AMMECR1: variants seen among roughly 807,000 people sequenced by gnomAD.
The protein encoded by AMMECR1 is AMMECR nuclear protein 1.
In AMMECR1, 3 loss-of-function variants were observed where a neutral mutation model predicts 22.5. That is an observed-to-expected ratio of 0.13 (90% confidence interval 0.06 to 0.35). AMMECR1 has a LOEUF of 0.35. Ranked by LOEUF, AMMECR1 falls within the 10% of genes least tolerant of loss-of-function variation. AMMECR1 has a pLI of 1.00. For synonymous variants in AMMECR1, 130 were observed against 116.7 expected, an observed-to-expected ratio of 1.11 and a Z score of -0.74; for missense variants, 235 against 278.7, an observed-to-expected ratio of 0.84 and a Z score of 1.12.
intron 2 of AMMECR1, among the ~76,000 whole-genome samples, chrX:110,327,100 G>A (rs952162385): frequency 5.4e-5 from 6 of 112,002 alleles, no homozygotes; most frequent in Non-Finnish European, 7.5e-5. Flanking sequence ...TAAGGTGTCC[G>A]CTAAATATGC....
chrX:110,423,839 A>G (rs779057598), intron 2 of AMMECR1, among the ~76,000 whole-genome samples: 1 of 112,340 alleles, frequency 8.9e-6, no homozygotes, highest in Admixed American at 9.4e-5. Context: ...TAGGTGTTGC[A>G]TGGTAAGAAA....
At chrX:110,299,977 G>A (rs1045113772) in intron 1 of AMMECR1, among the ~76,000 whole-genome samples, 3 of 112,021 alleles carry the variant, frequency 2.7e-5, no homozygotes, top group Non-Finnish European at 5.7e-5. Context: ...GAATAATGCT[G>A]CAATGAACAT....
chrX:110,427,988 G>A (rs2068766779), intron 1 of AMMECR1, among the ~76,000 whole-genome samples: 1 of 111,847 alleles, frequency 8.9e-6, no homozygotes, highest in South Asian at 3.8e-4. Flanking sequence ...TCCAGTCTGG[G>A]TTAGATGCCC....
intron 2 of AMMECR1, among the ~76,000 whole-genome samples, chrX:110,398,453 A>G (rs1256479393): frequency 8.9e-6 from 1 of 112,539 alleles, no homozygotes; most frequent in African/African-American, 3.2e-5. Context: ...ATACTTTTAG[A>G]TTTACAGGAC....
At chrX:110,362,657 T>C (rs901916494) in intron 2 of AMMECR1, among the ~76,000 whole-genome samples, 1 of 112,052 alleles carries the variant, frequency 8.9e-6, no homozygotes, top group African/African-American at 3.2e-5. Context: ...AATCACATGG[T>C]AGGAAATATG....
At chrX:110,422,878 G>C (rs2068727668) in intron 2 of AMMECR1, among the ~76,000 whole-genome samples, 1 of 112,393 alleles carries the variant, frequency 8.9e-6, no homozygotes, top group Non-Finnish European at 1.9e-5. Context: ...AAAAGAGATA[G>C]AGAATGCAGG....
chrX:110,367,462 C>T, intron 2 of AMMECR1, among the ~76,000 whole-genome samples: 1 of 111,253 alleles, frequency 9.0e-6, no homozygotes, highest in Non-Finnish European at 1.9e-5. Context: ...TTTCGCCCAA[C>T]AGCGGCATTT....
chrX:110,384,074 C>T (rs990123984), intron 2 of AMMECR1, among the ~76,000 whole-genome samples: 1 of 111,816 alleles, frequency 8.9e-6, no homozygotes. Flanking sequence ...TTATTGTTAT[C>T]GTATATATAA....
intron 4 of AMMECR1, among the ~76,000 whole-genome samples, chrX:110,202,132 T>C (rs2067400156): frequency 8.9e-6 from 1 of 112,250 alleles, no homozygotes; most frequent in Admixed American, 9.4e-5. Flanking sequence ...TATGCCACAA[T>C]GGAATATGGG....
intron 2 of AMMECR1, among the ~76,000 whole-genome samples, chrX:110,374,803 G>A (rs1465743957): frequency 9.0e-6 from 1 of 110,604 alleles, no homozygotes; most frequent in Non-Finnish European, 1.9e-5. Flanking sequence ...TGAGCTTGGG[G>A]TGGATATGTG....
chrX:110,240,288 T>C (rs1247712428), intron 2 of AMMECR1, among the ~76,000 whole-genome samples: 3 of 107,318 alleles, frequency 2.8e-5, no homozygotes, highest in Non-Finnish European at 5.8e-5. Flanking sequence ...TCAAGAATCA[T>C]TGGTGTGCTG....
chrX:110,368,578 A>G (rs968556037), intron 2 of AMMECR1, among the ~76,000 whole-genome samples: 3 of 112,118 alleles, frequency 2.7e-5, no homozygotes, highest in Non-Finnish European at 1.9e-5. Context: ...TACTTTCTTT[A>G]TCATCTTATT....
chrX:110,404,551 C>T (rs969510540), intron 2 of AMMECR1, among the ~76,000 whole-genome samples: 1 of 112,052 alleles, frequency 8.9e-6, no homozygotes, highest in Admixed American at 9.4e-5. Context: ...ACTGTAATTA[C>T]GAAAGCTGAA....
intron 3 of AMMECR1, among the ~76,000 whole-genome samples, chrX:110,212,969 A>C (rs1183578777): frequency 8.9e-6 from 1 of 111,987 alleles, no homozygotes. Flanking sequence ...AGTTATTCTC[A>C]GAATGGTGTA....
chrX:110,312,480 C>T (rs1303292543), intron 1 of AMMECR1, among the ~76,000 whole-genome samples: 1 of 112,117 alleles, frequency 8.9e-6, no homozygotes, highest in Non-Finnish European at 1.9e-5. Flanking sequence ...CTAACTGAAA[C>T]CTGAGTATAG....
At chrX:110,203,784 A>AT (rs1406863237) in intron 3 of AMMECR1, among the ~76,000 whole-genome samples, 1 of 111,218 alleles carries the variant, frequency 9.0e-6, no homozygotes, top group Non-Finnish European at 1.9e-5. Context: ...AAATTTTCCA[A>AT]TTTTTTCAGG....
intron 2 of AMMECR1, among the ~76,000 whole-genome samples, chrX:110,417,797 C>T (rs2068688462): frequency 8.9e-6 from 1 of 112,516 alleles, no homozygotes; most frequent in African/African-American, 3.2e-5. Context: ...TATTATTTTA[C>T]TGGCAACTTC....
intron 3 of AMMECR1, among the ~76,000 whole-genome samples, chrX:110,204,377 T>C (rs1376990539): frequency 9.0e-6 from 1 of 111,480 alleles, no homozygotes; most frequent in Non-Finnish European, 1.9e-5. Flanking sequence ...AAAATTGTGA[T>C]AGGAAGAATG....
chrX:110,384,131 T>A (rs2068438794), intron 2 of AMMECR1, among the ~76,000 whole-genome samples: 2 of 111,846 alleles, frequency 1.8e-5, no homozygotes, highest in Admixed American at 1.9e-4. Context: ...AGCACTATTA[T>A]AGCATTACTT....
Sources: gnomAD v4.1 joint callset for allele counts (sites outside exome capture counted in the v4.1 genomes callset) on GRCh38, gnomAD v4.1.1 for gene constraint, MANE v1.5 for transcripts, NCBI Gene and HGNC (gene_info 2026-07-23, HGNC 2026-07-21) for gene names.